NRXN3: variants seen among roughly 807,000 people sequenced by gnomAD.
The protein encoded by NRXN3 is neurexin III.
Under a neutral mutation model 137.6 loss-of-function variants are expected in NRXN3, and 32 were observed. The ratio of observed to expected loss-of-function variants is 0.23; its 90% CI spans 0.18 to 0.31. The LOEUF is 0.31. Among genes scored for constraint, NRXN3 ranks in the 10% least tolerant of loss-of-function variants. The pLI is 1.00. For missense variants in NRXN3, 1,574 were observed against 2,062.5 expected, an observed-to-expected ratio of 0.76 and a Z score of 4.59; for synonymous variants, 798 against 784.5, an observed-to-expected ratio of 1.02 and a Z score of -0.29.
In NRXN3 at chr14:79,766,140, A is replaced by C. The variant is rs541478289; in HGVS notation, c.4015-38972A>C. Among the ~76,000 whole-genome samples, 3 of 152,296 alleles carry C rather than the reference A, an allele frequency of 2.0e-5. No homozygotes were observed. In the South Asian group the frequency reaches 6.2e-4, roughly 32 times the overall value. ...TCTATTGTTTCATTTTATATATAATATATCCTATACCAAATATCCTAATAT... is the reference window on the plus strand; with the variant it reads ...TCTATTGTTTCATTTTATATATAATCTATCCTATACCAAATATCCTAATAT... On this transcript the variant is annotated intron_variant, in intron 19 of 20. Coordinates refer to ENST00000335750, the MANE Select transcript of NRXN3 (RefSeq NM_001330195.2).
chr14:78,353,344 G>T (rs2083823179), intron 4 of NRXN3, among the ~76,000 whole-genome samples: 1 of 152,150 alleles, frequency 6.6e-6, no homozygotes, highest in Admixed American at 6.5e-5. Context: ...ATTCATCACA[G>T]TTCTGGAGGC....
intron 4 of NRXN3, among the ~76,000 whole-genome samples, chr14:78,435,023 A>G (rs1244770208): frequency 1.3e-5 from 2 of 152,130 alleles, no homozygotes; most frequent in African/African-American, 2.4e-5. Flanking sequence ...CTTCTATGGG[A>G]ACTTGACTTG....
At chr14:78,364,634 T>G (rs967296927) in intron 4 of NRXN3, among the ~76,000 whole-genome samples, 3 of 152,224 alleles carry the variant, frequency 2.0e-5, no homozygotes, top group Non-Finnish European at 1.5e-5. Context: ...GTCAGTACTT[T>G]CATATGTTCA....
At chr14:78,324,128 G>A (rs1289088708) in intron 4 of NRXN3, among the ~76,000 whole-genome samples, 1 of 152,050 alleles carries the variant, frequency 6.6e-6, no homozygotes, top group African/African-American at 2.4e-5. Context: ...ACCCAGGCCT[G>A]AGCTCTTAAC....
rs570052835 is a variant in NRXN3, at chr14:78,681,306, G to A, written c.1222-27911G>A. ...CTGGAGCGGGAGTTAGAATCCACGT[G>A]CAGATGTTCTGGACAAATGGCTTTG... On this transcript the variant is annotated intron_variant, in intron 6 of 20. Coordinates refer to ENST00000335750, the MANE Select transcript of NRXN3 (RefSeq NM_001330195.2). Among the ~76,000 whole-genome samples the A allele has an allele frequency of 1.1e-3, 173 of 152,292 alleles. 2 individuals carry two copies. Among genetic ancestry groups the A allele is most frequent in the African/African-American group, 3.9e-3 (162 of 41,562 alleles).
intron 15 of NRXN3, among the ~76,000 whole-genome samples, chr14:79,130,478 CT>C (rs2057299421): frequency 6.6e-6 from 1 of 151,920 alleles, no homozygotes; most frequent in Non-Finnish European, 1.5e-5. Context: ...GTTGAAAATT[CT>C]TTTCTTTAAG....
chr14:78,177,235 T>C (rs1400872338), intron 1 of NRXN3, among the ~76,000 whole-genome samples: 1 of 152,148 alleles, frequency 6.6e-6, no homozygotes, highest in East Asian at 1.9e-4. Flanking sequence ...TGTGCTTCAT[T>C]TGTGTTTCCA....
chr14:79,150,578 A>G (rs916457059), intron 15 of NRXN3, among the ~76,000 whole-genome samples: 4 of 151,828 alleles, frequency 2.6e-5, no homozygotes, highest in African/African-American at 9.7e-5. Flanking sequence ...TCACTTCTCC[A>G]CCTTCCATGC....
intron 4 of NRXN3, among the ~76,000 whole-genome samples, chr14:78,300,285 C>T (rs1173386825): frequency 1.3e-5 from 2 of 152,172 alleles, no homozygotes; most frequent in African/African-American, 2.4e-5. Context: ...CGAGATGTCC[C>T]CTAATCATTT....
chr14:79,506,386 A>G (rs1187330222), intron 16 of NRXN3, among the ~76,000 whole-genome samples: 4 of 152,204 alleles, frequency 2.6e-5, no homozygotes, highest in Non-Finnish European at 4.4e-5. Flanking sequence ...CTTATTGCCA[A>G]GAGCTGGTTA....
intron 15 of NRXN3, among the ~76,000 whole-genome samples, chr14:79,037,000 C>A (rs2152514377): frequency 6.6e-6 from 1 of 152,142 alleles, no homozygotes; most frequent in East Asian, 1.9e-4. Context: ...CTTCTAGTAC[C>A]TTTGATTTAC....
intron 15 of NRXN3, among the ~76,000 whole-genome samples, chr14:79,224,906 A>T (rs1283199544): frequency 6.6e-6 from 1 of 152,152 alleles, no homozygotes; most frequent in Non-Finnish European, 1.5e-5. Context: ...TTGATTTCAG[A>T]CTGTGACCCC....
At chr14:78,493,658 A>G (rs573263901) in intron 4 of NRXN3, among the ~76,000 whole-genome samples, 7 of 152,220 alleles carry the variant, frequency 4.6e-5, no homozygotes, top group African/African-American at 1.7e-4. Flanking sequence ...CTGGTATTTA[A>G]TGGATTCAGC....
rs980353163 is a variant in NRXN3 at position 79,825,970 on chromosome 14, A to G, written c.4093+20780A>G. Among the ~76,000 whole-genome samples, 4 of 151,576 alleles carry G rather than the reference A, an allele frequency of 2.6e-5. No homozygotes were observed. In the Admixed American group the frequency reaches 2.6e-4, roughly 10 times the overall value. On this transcript the variant is annotated intron_variant, in intron 20 of 20. Coordinates refer to ENST00000335750, the MANE Select transcript of NRXN3 (RefSeq NM_001330195.2). ...CTTGATTATGTGTCACATGTACCCC[A>G]AATTACACATATATATACCTTCCTC... is the stretch of plus-strand genomic sequence containing the variant.
chr14:79,465,359 G>A (rs1272411003), intron 15 of NRXN3, among the ~76,000 whole-genome samples: 1 of 152,166 alleles, frequency 6.6e-6, no homozygotes, highest in Non-Finnish European at 1.5e-5. Context: ...TCCTCCAGAT[G>A]AGTGTAGAGG....
intron 15 of NRXN3, among the ~76,000 whole-genome samples, chr14:79,251,070 G>C (rs2153374656): frequency 6.6e-6 from 1 of 152,252 alleles, no homozygotes; most frequent in Middle Eastern, 3.4e-3. Context: ...GACATGATAG[G>C]ACAGGGCTAG....
chr14:79,161,646 C>T (rs1265708030), intron 15 of NRXN3, among the ~76,000 whole-genome samples: 1 of 151,942 alleles, frequency 6.6e-6, no homozygotes, highest in Non-Finnish European at 1.5e-5. Flanking sequence ...GTATCATTCA[C>T]TTGAAGCTGA....
intron 16 of NRXN3, among the ~76,000 whole-genome samples, chr14:79,640,390 C>T (rs1393802704): frequency 1.5e-5 from 2 of 135,536 alleles, no homozygotes; most frequent in African/African-American, 4.9e-5. Flanking sequence ...GGTTTTTGCT[C>T]AAACAAGCAA....
Position 79,348,591 on chromosome 14 carries a change from A to G in NRXN3, c.3263-118630A>G, listed in dbSNP as rs190041470. 6.2e-3 allele frequency among the ~76,000 whole-genome samples: 939 copies of G among 152,054 alleles called. 6 individuals are homozygous for G. The highest frequency in any genetic ancestry group is 0.022 in the African/African-American group (891 of 41,396). ...ACAGGGTTTCACTGTGTTAGCCAGG[A>G]TGGTCTGGATCTCCTGACCTCGTGA... On this transcript the variant is annotated intron_variant, in intron 15 of 20. Transcript: ENST00000335750.
Sources: allele counts gnomAD v4.1 joint callset (sites outside exome capture counted in the v4.1 genomes callset), GRCh38; gene constraint gnomAD v4.1.1; transcripts MANE v1.5; gene names NCBI Gene and HGNC (gene_info 2026-07-23, HGNC 2026-07-21).